The following KMT2E variants were observed in gnomAD, a reference collection of about 807,000 sequenced individuals.
KMT2E encodes lysine methyltransferase 2E (inactive).
Under a neutral mutation model 184.6 loss-of-function variants are expected in KMT2E, and 30 were observed. The observed-to-expected ratio is 0.16, with a 90% CI of 0.12 to 0.22. KMT2E has a LOEUF of 0.22. Among genes scored for constraint, KMT2E ranks in the 10% least tolerant of loss-of-function variants. The probability of loss-of-function intolerance (pLI) is 1.00; values close to 1 mark genes in which losing one functional copy is unlikely to be tolerated. For missense variants in KMT2E, 2,023 were observed against 2,237.4 expected, an observed-to-expected ratio of 0.90 and a Z score of 1.93; for synonymous variants, 815 against 776.5, an observed-to-expected ratio of 1.05 and a Z score of -0.82.
At chr7:105,076,884 G>A (rs1584765330) in intron 9 of KMT2E, 79 bp from the exon 10 acceptor site, 2 of 349,426 alleles carry the variant, frequency 5.7e-6, no homozygotes, top group East Asian at 5.7e-5. Context: ...GTGTGTGTGT[G>A]TGTGTGTGTG....
At chr7:105,063,717 T>A in intron 5 of KMT2E, 137 bp downstream of exon 5, 3 of 623,912 alleles carry the variant, frequency 4.8e-6, no homozygotes, top group Non-Finnish European at 8.1e-6. Context: ...ATTGATGCAG[T>A]CCTAGAAAAA....
chr7:105,070,899 C>G (rs2129567697), intron 6 of KMT2E, among the ~76,000 whole-genome samples: 1 of 152,118 alleles, frequency 6.6e-6, no homozygotes. Context: ...ATTCTAAACT[C>G]AAATATAAAG....
chr7:105,082,921 A>C (rs1797815895), intron 13 of KMT2E, among the ~76,000 whole-genome samples: 1 of 152,118 alleles, frequency 6.6e-6, no homozygotes, highest in South Asian at 2.1e-4. Flanking sequence ...CTTCTTTCTC[A>C]TCATCTGGCA....
At chr7:105,074,955 A>T (rs1225837805) in intron 8 of KMT2E, 140 bp downstream of exon 8, 1 of 598,106 alleles carries the variant, frequency 1.7e-6, no homozygotes, top group East Asian at 3.3e-5. Flanking sequence ...AAACAATTAA[A>T]CTTACTTGAA....
intron 5 of KMT2E, 43 bp from the exon 6 acceptor site, chr7:105,066,684 G>A: frequency 7.1e-7 from 1 of 1,411,280 alleles, no homozygotes; most frequent in Non-Finnish European, 9.9e-7. Flanking sequence ...ATTTAAGGAT[G>A]ACTTAAATAA....
Position 105,107,509 on chromosome 7 carries a change from G to A in KMT2E, c.3052G>A (p.Glu1018Lys). ...EVNRQCPGEKEPVSDLQLGLD... is the reference protein window; with the variant it reads ...EVNRQCPGEKKPVSDLQLGLD... The stretch of plus-strand genomic sequence containing the variant: ...CAACAGGCAGTGTCCTGGAGAAAAG[G>A]AACCTGTGTCAGACCTTCAGCTAGG... Residue 1018 changes from glutamate (E) to lysine (K), a missense_variant, in exon 22 of 27, where the codon GAA (glutamate) becomes AAA (lysine). By Grantham distance (56) the Glu-to-Lys change is moderately conservative. Coordinates refer to ENST00000311117, the MANE Select transcript of KMT2E (RefSeq NM_182931.3). The A allele has an allele frequency of 6.2e-7, 1 of 1,614,182 alleles. No individual in the cohort carries two copies. Among genetic ancestry groups the A allele is most frequent in the South Asian group, 1.1e-5 (1 of 91,082 alleles).
At chr7:105,098,308 T>G (rs1176750278) in intron 15 of KMT2E, among the ~76,000 whole-genome samples, 1 of 151,108 alleles carries the variant, frequency 6.6e-6, no homozygotes, top group Non-Finnish European at 1.5e-5. Flanking sequence ...GTATGACCAA[T>G]AGCTTACTGC....
In KMT2E at chr7:105,114,569, T is replaced by TTTGTC. The variant is rs1447942144; in HGVS notation, c.*1239_*1243dup. Among the ~76,000 whole-genome samples, 4 of 152,230 alleles carry TTTGTC rather than the reference T, an allele frequency of 2.6e-5. No homozygotes were observed. The highest frequency in any genetic ancestry group is 9.6e-5 in the African/African-American group (4 of 41,468). ...TCAAAAAATTAAAAATTTCCCAGCC[T>TTTGTC]TTGTCTTCTACCTCTGAGGATTCAG... On this transcript the variant is annotated 3_prime_UTR_variant, in exon 27 of 27. Transcript: ENST00000311117.
intron 13 of KMT2E, 93 bp downstream of exon 13, chr7:105,081,890 T>TGA: frequency 1.2e-5 from 7 of 589,324 alleles, no homozygotes; most frequent in Non-Finnish European, 1.8e-5. Flanking sequence ...TTTTATAGCT[T>TGA]TTTATTTTTA....
At chr7:105,106,886 T>C (rs1235733616) in intron 20 of KMT2E, 114 bp downstream of exon 20, 3 of 1,062,416 alleles carry the variant, frequency 2.8e-6, no homozygotes, top group Non-Finnish European at 4.1e-6. Flanking sequence ...AAAAAAAGGT[T>C]GTAAGAAACT....
At chr7:105,015,560 A>T (rs1415246312) in intron 1 of KMT2E, among the ~76,000 whole-genome samples, 3 of 152,198 alleles carry the variant, frequency 2.0e-5, no homozygotes, top group African/African-American at 7.2e-5. Flanking sequence ...ATTCAACTCG[A>T]GGCTGGAGAC....
rs367910684 is a variant in KMT2E at position 105,017,476 on chromosome 7, C to CTT, written c.-189+2953_-189+2954dup. On this transcript the variant is annotated intron_variant, in intron 1 of 26. Coordinates refer to ENST00000311117, the MANE Select transcript of KMT2E (RefSeq NM_182931.3). The stretch of plus-strand genomic sequence containing the variant: ...TTTAGTTCCTGTAAAATGATACTGG[C>CTT]TTTTTTTTTTTTTAAGTATTGTACC... Among the ~76,000 whole-genome samples the CTT allele has an allele frequency of 2.3e-3, 261 of 113,604 alleles. 1 individual carries two copies. Among genetic ancestry groups the CTT allele is most frequent in the Middle Eastern group, 5.4e-3 (1 of 186 alleles). The allele number at this position is 113,604 out of a possible 152,430, so 74.5% of individuals were successfully genotyped here.
intron 3 of KMT2E, among the ~76,000 whole-genome samples, chr7:105,041,282 A>G (rs1230606885): frequency 1.3e-5 from 2 of 152,170 alleles, no homozygotes; most frequent in African/African-American, 2.4e-5. Context: ...TTTGACTCCA[A>G]ATTTCTGAGA....
intron 1 of KMT2E, among the ~76,000 whole-genome samples, chr7:105,030,000 G>T (rs1193808023): frequency 6.6e-6 from 1 of 152,216 alleles, no homozygotes; most frequent in Non-Finnish European, 1.5e-5. Context: ...CCTAGCCACT[G>T]AATTACAGGC....
intron 15 of KMT2E, 132 bp downstream of exon 15, chr7:105,091,446 G>T: frequency 1.5e-6 from 1 of 683,176 alleles, no homozygotes; most frequent in Non-Finnish European, 2.7e-6. Flanking sequence ...ATTTTTATTT[G>T]GTTTGGTCAT....
rs1367160203 is a variant in KMT2E, at chr7:105,105,479, C to T, written c.2237C>T (p.Thr746Ile). Residue 746 changes from threonine to isoleucine, a missense_variant, in exon 18 of 27, where the codon ACA (threonine) becomes ATA (isoleucine). By Grantham distance (89) the Thr-to-Ile change is moderately conservative. Coordinates refer to ENST00000311117, the MANE Select transcript of KMT2E (RefSeq NM_182931.3). ...TGGTTAAGTGAGAAGAATGAGAAGA[C>T]AGGAAAACCTTCAGATGGCCTTTCA... Reference protein sequence around the residue: ...NEWLSEKNEKTGKPSDGLSER... With the variant: ...NEWLSEKNEKIGKPSDGLSER... 1 of 1,608,712 alleles carries T rather than the reference C, an allele frequency of 6.2e-7. No individual in the cohort carries two copies. The highest frequency in any genetic ancestry group is 8.5e-7 in the Non-Finnish European group (1 of 1,178,556).
chr7:105,047,291 G>T (rs1370386469), intron 3 of KMT2E, among the ~76,000 whole-genome samples: 2 of 152,222 alleles, frequency 1.3e-5, no homozygotes, highest in Non-Finnish European at 1.5e-5. Context: ...AAACAGTGTA[G>T]GCAGAGTAAG....
intron 1 of KMT2E, among the ~76,000 whole-genome samples, chr7:105,016,867 A>G (rs940931511): frequency 2.0e-5 from 3 of 152,216 alleles, no homozygotes; most frequent in Non-Finnish European, 2.9e-5. Flanking sequence ...CCTACGAAAT[A>G]ATTAGAGAAA....
chr7:105,106,137 C>G, intron 19 of KMT2E, 134 bp downstream of exon 19: 1 of 928,504 alleles, frequency 1.1e-6, no homozygotes, highest in South Asian at 1.8e-5. Flanking sequence ...TTTCTCTTTT[C>G]TGTCCTCTGT....
Sources: gnomAD v4.1 joint callset for allele counts (sites outside exome capture counted in the v4.1 genomes callset) on GRCh38, gnomAD v4.1.1 for gene constraint, MANE v1.5 for transcripts, NCBI Gene and HGNC (gene_info 2026-07-23, HGNC 2026-07-21) for gene names.